PIK3C2G: variants seen among roughly 807,000 people sequenced by gnomAD.
PIK3C2G encodes phosphatidylinositol-4-phosphate 3-kinase catalytic subunit type 2 gamma.
PIK3C2G carries 168 observed loss-of-function variants against 181.1 expected under a neutral mutation model. The observed-to-expected ratio is 0.93, with a 90% CI of 0.82 to 1.05. PIK3C2G has a LOEUF of 1.05. Among genes scored for constraint, PIK3C2G ranks in the 50% least tolerant of loss-of-function variants. PIK3C2G has a pLI of 0.00. For missense variants in PIK3C2G, 1,869 were observed against 1,732.8 expected (o/e 1.08, Z -1.40); for synonymous variants, 573 against 592.2 (o/e 0.97, Z 0.47).
intron 30 of PIK3C2G, among the ~76,000 whole-genome samples, chr12:18,602,874 A>T (rs1430356265): frequency 6.6e-6 from 1 of 152,134 alleles, no homozygotes; most frequent in Non-Finnish European, 1.5e-5. Flanking sequence ...TCTGAACAAC[A>T]TCCTTCAGCC....
At chr12:18,283,645 G>A (rs777593114) in intron 2 of PIK3C2G, among the ~76,000 whole-genome samples, 2 of 152,088 alleles carry the variant, frequency 1.3e-5, no homozygotes, top group African/African-American at 4.8e-5. Flanking sequence ...ATAACAGGTG[G>A]AGTAAGTGCA....
chr12:18,448,038 T>C (rs951513597), intron 18 of PIK3C2G, among the ~76,000 whole-genome samples: 6 of 152,120 alleles, frequency 3.9e-5, no homozygotes, highest in African/African-American at 1.2e-4. Flanking sequence ...ACCTCAGTAG[T>C]GTAAAATGTA....
At chr12:18,684,089 T>A in the PIK3C2G span, 58 of 1,603,002 alleles carry the variant, frequency 3.6e-5, no homozygotes, top group South Asian at 9.9e-5. Flanking sequence ...ACAAGTTATA[T>A]TTAAATGCTG....
At position 18,555,309 on chromosome 12, in the gene PIK3C2G, G is replaced by A. The variant is rs192515125; in HGVS notation, c.3591-7394G>A. On this transcript the variant is annotated intron_variant, in intron 26 of 32. Transcript: ENST00000538779. ...AGTCTGATGTAGCTCATAAAGCAGC[G>A]AAAAATGTTTGCCATTTGTAGTCAC... 1.3e-4 allele frequency among the ~76,000 whole-genome samples: 20 copies of A among 152,158 alleles called. No individual in the cohort carries two copies. The East Asian group carries it at 2.3e-3, about 18-fold the overall frequency.
chr12:18,463,745 A>G lies in PIK3C2G; in HGVS notation c.2505-24704A>G, dbSNP rs74419809. Among the ~76,000 whole-genome samples the G allele has an allele frequency of 8.0e-3, 1,215 of 152,234 alleles. 23 individuals are homozygous for G. Among genetic ancestry groups the G allele is most frequent in the African/African-American group, 0.028 (1,168 of 41,546 alleles). On this transcript the variant is annotated intron_variant, in intron 18 of 32. Transcript: ENST00000538779. ...GACATCAAATGTCTTCATGACCTAG[A>G]CTCACATTTTACAATTGAGGAAACT...
intron 16 of PIK3C2G, among the ~76,000 whole-genome samples, chr12:18,408,545 C>A (rs1944672625): frequency 6.6e-6 from 1 of 151,906 alleles, no homozygotes; most frequent in Admixed American, 6.6e-5. Context: ...TTAACAAAAG[C>A]CAAAACAGAC....
At chr12:18,316,169 C>A (rs576024183) in intron 6 of PIK3C2G, among the ~76,000 whole-genome samples, 1 of 152,080 alleles carries the variant, frequency 6.6e-6, no homozygotes, top group South Asian at 2.1e-4. Context: ...TTTAAATCAT[C>A]CAAAGTTGCA....
intron 31 of PIK3C2G, among the ~76,000 whole-genome samples, chr12:18,625,750 T>C (rs1949068897): frequency 6.6e-6 from 1 of 151,892 alleles, no homozygotes; most frequent in Non-Finnish European, 1.5e-5. Context: ...TCTTGATGAA[T>C]TGACCCCTTT....
At chr12:18,612,051 G>T (rs1055561982) in intron 31 of PIK3C2G, among the ~76,000 whole-genome samples, 1 of 152,054 alleles carries the variant, frequency 6.6e-6, no homozygotes, top group Non-Finnish European at 1.5e-5. Context: ...TTAATGACCT[G>T]TGAGACCCTG....
At chr12:18,287,064 AT>A (rs1307236030) in intron 3 of PIK3C2G, 135 bp downstream of exon 3, 4 of 420,702 alleles carry the variant, frequency 9.5e-6, no homozygotes, top group African/African-American at 6.2e-5. Context: ...AAAAAATAAA[AT>A]TTTTTGACAA....
rs150501896 is a variant in PIK3C2G at position 18,388,415 on chromosome 12, C to T, written c.1996-2707C>T. On this transcript the variant is annotated intron_variant, in intron 14 of 32. Transcript: ENST00000538779. ...TCAGCCTCCCAAGTAGCTGGAATTA[C>T]AGGTGCATGCCACCATGCCCAGCTT... is the stretch of plus-strand genomic sequence containing the variant. Among the ~76,000 whole-genome samples the T allele has an allele frequency of 3.9e-5, 6 of 152,300 alleles. No individual in the cohort carries two copies. The East Asian group carries it at 1.2e-3, about 29-fold the overall frequency.
chr12:18,496,148 T>G lies in PIK3C2G; in HGVS notation c.2880T>G (p.Ile960Met). ...ANPMGKNISI[I>M]FKAGDDLRQD... Reference sequence around the variant, plus strand: ...CGATGGGCAAAAACATCAGCATTATTTTTAAGGTATGGTAGCGCTCTTAAA... The same window carrying G: ...CGATGGGCAAAAACATCAGCATTATGTTTAAGGTATGGTAGCGCTCTTAAA... The change falls in exon 21 of 33, where the codon ATT becomes ATG. Residue 960 changes from isoleucine (I) to methionine (M), a missense_variant. Transcript: ENST00000538779. 1 of 1,514,150 alleles carries G rather than the reference T, an allele frequency of 6.6e-7. No homozygotes were observed. The highest frequency in any genetic ancestry group is 8.9e-7 in the Non-Finnish European group (1 of 1,118,534). 93.8% of individuals were successfully genotyped at this position (1,514,150 alleles called of 1,614,324 possible).
Position 18,574,442 on chromosome 12 carries a change from T to C in PIK3C2G, c.4011+7385T>C, listed in dbSNP as rs530337248. On this transcript the variant is annotated intron_variant, in intron 29 of 32. Coordinates refer to ENST00000538779, the MANE Select transcript of PIK3C2G (RefSeq NM_001288772.2). ...AGTTTGCTAGTTACTAAAATGCCTA[T>C]TATCAAGTTCTGAGTGAATAACAGA... 1.1e-4 allele frequency among the ~76,000 whole-genome samples: 17 copies of C among 152,298 alleles called. No individual in the cohort carries two copies. The South Asian group carries it at 3.3e-3, about 30-fold the overall frequency.
At chr12:18,390,360 C>T (rs1305723320) in intron 14 of PIK3C2G, among the ~76,000 whole-genome samples, 1 of 151,892 alleles carries the variant, frequency 6.6e-6, no homozygotes, top group East Asian at 1.9e-4. Flanking sequence ...GAAAAAAACC[C>T]AGTATGTGTG....
the PIK3C2G span, among the ~76,000 whole-genome samples, chr12:18,724,145 C>T: frequency 4.6e-5 from 7 of 152,072 alleles, no homozygotes; most frequent in South Asian, 1.2e-3. Context: ...AAAATCAATA[C>T]CAAAAATAGA....
At chr12:18,298,243 T>C (rs567265332) in intron 5 of PIK3C2G, among the ~76,000 whole-genome samples, 15 of 152,044 alleles carry the variant, frequency 9.9e-5, no homozygotes, top group African/African-American at 3.4e-4. Flanking sequence ...AAACAATATC[T>C]CATTGTTGTT....
chr12:18,346,797 T>A lies in PIK3C2G; in HGVS notation c.1586T>A (p.Val529Glu). The A allele has an allele frequency of 6.2e-7, 1 of 1,613,580 alleles. No homozygotes were observed. The highest frequency in any genetic ancestry group is 2.2e-5 in the East Asian group (1 of 44,860). ...PGLPSHLSFTVYAAHNIPETW... is the reference protein window; with the variant it reads ...PGLPSHLSFTEYAAHNIPETW... Reference sequence around the variant, plus strand: ...CTTCCTTCCCACCTCAGCTTCACAGTGTATGCAGCACACAACATTCCAGAA... The same window carrying A: ...CTTCCTTCCCACCTCAGCTTCACAGAGTATGCAGCACACAACATTCCAGAA... The change falls in exon 11 of 33, where the codon GTG becomes GAG. Residue 529 changes from valine (V) to glutamate (E), a missense_variant. By Grantham distance (121) the Val-to-Glu change is moderately radical. Transcript: ENST00000538779.
chr12:18,400,189 A>G (rs1944167012), intron 16 of PIK3C2G, among the ~76,000 whole-genome samples: 1 of 152,204 alleles, frequency 6.6e-6, no homozygotes, highest in African/African-American at 2.4e-5. Context: ...TCATTTTTGT[A>G]CTATTAAAAT....
intron 26 of PIK3C2G, among the ~76,000 whole-genome samples, chr12:18,560,409 T>A (rs1056373910): frequency 1.3e-5 from 2 of 151,172 alleles, no homozygotes; most frequent in African/African-American, 2.4e-5. Context: ...ATGAAGAAAA[T>A]GATAAATATG....
Sources: gnomAD v4.1 joint callset for allele counts (sites outside exome capture counted in the v4.1 genomes callset) on GRCh38, gnomAD v4.1.1 for gene constraint, MANE v1.5 for transcripts, NCBI Gene and HGNC (gene_info 2026-07-23, HGNC 2026-07-21) for gene names.